Variants in WDR4 observed in about 807,000 individuals in gnomAD.
The protein encoded by WDR4 is WDR4 tRNA N7-guanosine methyltransferase non-catalytic subunit.
Under a neutral mutation model 48.6 loss-of-function variants are expected in WDR4, and 47 were observed. The ratio of observed to expected loss-of-function variants is 0.97; its 90% CI spans 0.77 to 1.23. The LOEUF is 1.23. Among genes scored for constraint, WDR4 ranks in the 50% most tolerant of loss-of-function variants. The pLI is 0.00. For synonymous variants in WDR4, 268 were observed against 230.0 expected (o/e 1.17, Z -1.49); for missense variants, 606 against 551.6 (o/e 1.10, Z -0.99).
At chr21:42,851,300 TG>T (rs1438308182) in intron 10 of WDR4, among the ~76,000 whole-genome samples, 2 of 152,252 alleles carry the variant, frequency 1.3e-5, no homozygotes, top group South Asian at 4.1e-4. Flanking sequence ...CCAACCACGC[TG>T]GGGGGCCCAA....
intron 5 of WDR4, among the ~76,000 whole-genome samples, 186 bp from the exon 6 acceptor site, chr21:42,859,908 G>T (rs1045875831): frequency 2.0e-5 from 3 of 152,116 alleles, no homozygotes; most frequent in African/African-American, 7.2e-5. Flanking sequence ...CCAGGTGGAG[G>T]CCCCTGGACG....
downstream of WDR4, among the ~76,000 whole-genome samples, chr21:42,849,045 G>T (rs532451043): frequency 7.8e-6 from 1 of 128,264 alleles, no homozygotes; most frequent in Non-Finnish European, 1.6e-5. Flanking sequence ...CACAGCGCAC[G>T]ATCACGCGGC....
intron 10 of WDR4, among the ~76,000 whole-genome samples, chr21:42,851,382 G>T (rs978061874): frequency 2.0e-5 from 3 of 152,196 alleles, no homozygotes; most frequent in Non-Finnish European, 2.9e-5. Context: ...CAGAGCCAGC[G>T]TGCCGCCACT....
At chr21:42,867,398 A>G (rs2058272347) in intron 3 of WDR4, among the ~76,000 whole-genome samples, 1 of 151,342 alleles carries the variant, frequency 6.6e-6, no homozygotes, top group Non-Finnish European at 1.5e-5. Context: ...TCCACCAAAA[A>G]AAAAAAAAAA....
intron 9 of WDR4, among the ~76,000 whole-genome samples, chr21:42,853,164 C>G (rs907841028): frequency 1.3e-5 from 2 of 152,168 alleles, no homozygotes; most frequent in Admixed American, 6.5e-5. Context: ...CCGCCCTTGC[C>G]CCCTCCTCTA....
upstream of WDR4, among the ~76,000 whole-genome samples, chr21:42,883,285 A>G (rs1188539881): frequency 7.4e-5 from 11 of 148,948 alleles, no homozygotes; most frequent in African/African-American, 2.0e-4. Context: ...AAAAAAAAAA[A>G]AAAAAAGAAA....
At chr21:42,861,131 G>A (rs1230914156) in intron 5 of WDR4, among the ~76,000 whole-genome samples, 3 of 151,998 alleles carry the variant, frequency 2.0e-5, no homozygotes, top group Admixed American at 2.0e-4. Flanking sequence ...CCAACATAGT[G>A]AACCCTCGTC....
intron 3 of WDR4, among the ~76,000 whole-genome samples, chr21:42,865,241 C>T (rs944622204): frequency 3.3e-5 from 5 of 152,338 alleles, no homozygotes; most frequent in South Asian, 4.1e-4. Context: ...AAGATAATTA[C>T]GCTCTGGGGC....
In WDR4 at chr21:42,853,616, G is replaced by GGCAGTCCTGGAGCACCC. The variant is rs1569314907; in HGVS notation, c.911_927dup (p.Gln310GlyfsTer30). ...CTGTAGAGCACCAGGGGGGCTTCCT[G>GGCAGTCCTGGAGCACCC]GCAGTCCTGGAGCACCCACAGCCCC... On this transcript the variant is annotated frameshift_variant, in exon 9 of 11. Transcript: ENST00000398208. LOFTEE classifies it high-confidence loss of function. The GGCAGTCCTGGAGCACCC allele has an allele frequency of 6.2e-6, 10 of 1,609,470 alleles. No individual in the cohort carries two copies. The highest frequency in any genetic ancestry group is 8.5e-6 in the Non-Finnish European group (10 of 1,178,740).
intron 9 of WDR4, among the ~76,000 whole-genome samples, chr21:42,852,853 C>T (rs111853634): frequency 0.056 from 8,481 of 150,814 alleles, 352 homozygotes; most frequent in Non-Finnish European, 0.088. Flanking sequence ...AGGCGGAGGT[C>T]GCGGTGAGCC....
At chr21:42,883,098 CAA>C (rs35978225), upstream of WDR4, among the ~76,000 whole-genome samples, 4 of 87,296 alleles carry the variant, frequency 4.6e-5, no homozygotes, top group Non-Finnish European at 6.3e-5. Flanking sequence ...GACTCCGTCT[CAA>C]AAAAAAAAAA....
chr21:42,850,182 G>A lies in WDR4; in HGVS notation c.1106C>T (p.Thr369Ile), dbSNP rs201511482. 12 of 1,613,986 alleles carry A rather than the reference G, an allele frequency of 7.4e-6. No individual in the cohort carries two copies. The Admixed American group carries it at 1.5e-4, about 20-fold the overall frequency. Residue 369 changes from threonine to isoleucine, a missense_variant, in exon 11 of 11, where the codon ACC becomes ATC. Coordinates refer to ENST00000398208, the MANE Select transcript of WDR4 (RefSeq NM_018669.6). ...SLYKATFDNV[T>I]SYLKKKEERL... ...CTCCTCTTTCTTCTTCAGGTAGGAG[G>A]TCACGTTGTCGAACGTGGCCTTGTA...
chr21:42,877,820 G>A (rs1252145073), intron 1 of WDR4, among the ~76,000 whole-genome samples: 3 of 151,944 alleles, frequency 2.0e-5, no homozygotes, highest in African/African-American at 7.3e-5. Context: ...CGAGATGGGC[G>A]GATCACGAGG....
chr21:42,886,413 T>A, the WDR4 span, among the ~76,000 whole-genome samples: 1 of 152,230 alleles, frequency 6.6e-6, no homozygotes, highest in African/African-American at 2.4e-5. Context: ...GCGATTTTGC[T>A]AGTGTACATG....
Position 42,879,531 on chromosome 21 carries a change from G to C in WDR4, c.-36C>G, listed in dbSNP as rs992825312. The C allele has an allele frequency of 1.2e-6, 2 of 1,609,528 alleles. No individual in the cohort carries two copies. Among genetic ancestry groups the C allele is most frequent in the Non-Finnish European group, 1.7e-6 (2 of 1,178,180 alleles). On this transcript the variant is annotated 5_prime_UTR_variant, in exon 1 of 11. Transcript: ENST00000398208. ...GCCTCACCGCCATACACATGTGCCA[G>C]CCCAGAGCCTCTTCCTGTCCGCACC...
In WDR4 at chr21:42,849,633, A is replaced by G. The variant is rs7281655; in HGVS notation, c.*416T>C. 0.23 allele frequency: 38,650 copies of G among 166,284 alleles called. 5,750 individuals are homozygous for G. The highest frequency in any genetic ancestry group is 0.44 in the African/African-American group (18,302 of 41,612). 10.3% of individuals were successfully genotyped at this position (166,284 alleles called of 1,614,324 possible). Reference sequence around the variant, plus strand: ...TACTGCGGGACAGCACGTCACCTGGATGCTGAGACGGCGGAACAACATGAA... The same window carrying G: ...TACTGCGGGACAGCACGTCACCTGGGTGCTGAGACGGCGGAACAACATGAA... On this transcript the variant is annotated 3_prime_UTR_variant, in exon 11 of 11. Transcript: ENST00000398208.
At chr21:42,876,923 A>G (rs1212985524) in intron 1 of WDR4, among the ~76,000 whole-genome samples, 156 bp from the exon 2 acceptor site, 1 of 151,972 alleles carries the variant, frequency 6.6e-6, no homozygotes, top group Admixed American at 6.6e-5. Context: ...GGTTCAAACG[A>G]TTCTCCTGCC....
chr21:42,884,675 G>A, the WDR4 span, among the ~76,000 whole-genome samples: 67 of 151,940 alleles, frequency 4.4e-4, 1 homozygote, highest in Admixed American at 3.9e-3. Context: ...TTCAGGGACC[G>A]CCAAGCTGAT....
chr21:42,877,840 C>G (rs867605125), intron 1 of WDR4, among the ~76,000 whole-genome samples: 1 of 151,854 alleles, frequency 6.6e-6, no homozygotes, highest in Non-Finnish European at 1.5e-5. Context: ...GTCAGGAGAT[C>G]GAGACCAGCC....
Sources: gnomAD v4.1 joint callset for allele counts (sites outside exome capture counted in the v4.1 genomes callset) on GRCh38, gnomAD v4.1.1 for gene constraint, MANE v1.5 for transcripts, NCBI Gene and HGNC (gene_info 2026-07-23, HGNC 2026-07-21) for gene names.